Variants in PTPN13 observed in about 807,000 individuals in gnomAD.
The protein encoded by PTPN13 is protein tyrosine phosphatase non-receptor type 13, also known as tyrosine-protein phosphatase non-receptor type 13.
A neutral mutation model predicts 284.0 loss-of-function variants in PTPN13; 191 were observed. The ratio of observed to expected loss-of-function variants is 0.67; its 90% CI spans 0.60 to 0.76. PTPN13 has a LOEUF of 0.76. Ranked by LOEUF, PTPN13 falls within the 30% of genes least tolerant of loss-of-function variation. The pLI, the probability that PTPN13 is intolerant of heterozygous loss-of-function variation, is 0.00. For synonymous variants in PTPN13, 986 were observed against 1,022.3 expected (o/e 0.96, Z 0.68); for missense variants, 2,797 against 2,939.9 (o/e 0.95, Z 1.12).
Position 86,767,886 on chromosome 4 carries a change from T to A in PTPN13, c.4399T>A (p.Cys1467Ser), listed in dbSNP as rs752793503. ...SKEHVPVTPQ[C>S]TLSDQNAQGQ... ...AGAACATGTCCCGGTAACCCCACAG[T>A]GTACCCTTTCAGATCAGAATGCCCA... Residue 1467 changes from cysteine to serine, a missense_variant, in exon 28 of 48, where the codon TGT (cysteine) becomes AGT (serine). By Grantham distance (112) the Cys-to-Ser change is moderately radical. Transcript: ENST00000411767. The A allele has an allele frequency of 6.2e-7, 1 of 1,608,280 alleles. No homozygotes were observed. The highest frequency in any genetic ancestry group is 1.3e-5 in the African/African-American group (1 of 74,838).
Position 86,625,306 on chromosome 4 carries a change from A to G in PTPN13, c.-5-9946A>G, listed in dbSNP as rs188385208. Among the ~76,000 whole-genome samples, 408 of 152,092 alleles carry G rather than the reference A, an allele frequency of 2.7e-3. 2 individuals are homozygous for G. Among genetic ancestry groups the G allele is most frequent in the African/African-American group, 9.3e-3 (388 of 41,508 alleles). Reference sequence around the variant, plus strand: ...CTGTTTCTTGTCTCTCTCTTAATACAGGTTATTTCCCCTACCTGGAAGGCC... The same window carrying G: ...CTGTTTCTTGTCTCTCTCTTAATACGGGTTATTTCCCCTACCTGGAAGGCC... On this transcript the variant is annotated intron_variant, in intron 1 of 47. Transcript: ENST00000411767.
intron 40 of PTPN13, among the ~76,000 whole-genome samples, chr4:86,795,079 A>G (rs567256138): frequency 6.6e-6 from 1 of 152,364 alleles, no homozygotes; most frequent in Non-Finnish European, 1.5e-5. Context: ...TGCTCAGCAA[A>G]AGAAACTCAT....
intron 2 of PTPN13, among the ~76,000 whole-genome samples, chr4:86,655,286 G>C (rs527994353): frequency 1.6e-4 from 24 of 152,296 alleles, no homozygotes; most frequent in African/African-American, 5.8e-4. Context: ...CTGTCATTAT[G>C]ATGTTAGCTA....
chr4:86,804,327 G>A (rs1744418045), intron 43 of PTPN13, among the ~76,000 whole-genome samples: 1 of 152,176 alleles, frequency 6.6e-6, no homozygotes, highest in Non-Finnish European at 1.5e-5. Flanking sequence ...AGAAAAGAGA[G>A]TGGTTTTGAA....
chr4:86,660,776 C>G (rs1726393644), intron 2 of PTPN13, among the ~76,000 whole-genome samples: 1 of 152,026 alleles, frequency 6.6e-6, no homozygotes, highest in Admixed American at 6.6e-5. Flanking sequence ...ACACTTGTAG[C>G]AAACTACCCC....
At chr4:86,801,444 G>T (rs1171229955) in intron 42 of PTPN13, among the ~76,000 whole-genome samples, 1 of 152,176 alleles carries the variant, frequency 6.6e-6, no homozygotes, top group Non-Finnish European at 1.5e-5. Flanking sequence ...TTTGGGGGGT[G>T]AGGGGGCAGG....
intron 1 of PTPN13, among the ~76,000 whole-genome samples, chr4:86,614,029 T>G (rs570306725): frequency 1.3e-5 from 2 of 152,332 alleles, no homozygotes; most frequent in Admixed American, 6.5e-5. Context: ...TTGTCAATCC[T>G]ATTGTTTTTA....
intron 3 of PTPN13, among the ~76,000 whole-genome samples, chr4:86,682,764 C>T (rs1038655742): frequency 9.9e-5 from 15 of 152,176 alleles, no homozygotes; most frequent in Non-Finnish European, 1.8e-4. Context: ...TGTGTCTTTT[C>T]AGGCTGCACC....
intron 10 of PTPN13, among the ~76,000 whole-genome samples, chr4:86,728,643 C>CTTTTTTTT: frequency 4.1e-5 from 1 of 24,500 alleles, no homozygotes; most frequent in African/African-American, 1.5e-4. Context: ...CAACCCCTGC[C>CTTTTTTTT]TTTTTTTTTT....
At chr4:86,801,973 C>T (rs932199186) in intron 42 of PTPN13, among the ~76,000 whole-genome samples, 10 of 152,082 alleles carry the variant, frequency 6.6e-5, no homozygotes, top group Non-Finnish European at 1.5e-4. Flanking sequence ...ATGATGGTTC[C>T]ATTGGCTCTG....
chr4:86,721,687 C>G (rs1236371660), intron 9 of PTPN13, among the ~76,000 whole-genome samples: 1 of 137,168 alleles, frequency 7.3e-6, no homozygotes, highest in Admixed American at 7.5e-5. Context: ...CTTCCCCTCT[C>G]CCTCTCCCCC....
At chr4:86,685,240 C>T (rs1729321204) in intron 3 of PTPN13, among the ~76,000 whole-genome samples, 1 of 152,130 alleles carries the variant, frequency 6.6e-6, no homozygotes, top group Non-Finnish European at 1.5e-5. Context: ...CAGCTTCCTT[C>T]TCCTTGTACT....
intron 35 of PTPN13, among the ~76,000 whole-genome samples, chr4:86,775,954 C>G (rs57954319): frequency 0.21 from 31,891 of 151,918 alleles, 3,402 homozygotes; most frequent in East Asian, 0.29. Context: ...GTTTTGTTTT[C>G]TTTTCTTTTT....
rs954301516 is a variant in PTPN13 at position 86,740,043 on chromosome 4, C to T, written c.2305-1591C>T. 3.3e-5 allele frequency among the ~76,000 whole-genome samples: 5 copies of T among 152,154 alleles called. No individual in the cohort carries two copies. The East Asian group carries it at 5.8e-4, about 18-fold the overall frequency. The stretch of plus-strand genomic sequence containing the variant: ...CCCCTGTGTCTTTGTAGGGTATAGA[C>T]CCCTCCTGGCTGGTTTCATGGGCTG... On this transcript the variant is annotated intron_variant, in intron 15 of 47. Transcript: ENST00000411767.
chr4:86,629,897 C>T (rs1406104435), intron 1 of PTPN13, among the ~76,000 whole-genome samples: 2 of 151,972 alleles, frequency 1.3e-5, no homozygotes, highest in East Asian at 3.9e-4. Flanking sequence ...GCTGGGACTA[C>T]AGGCACGCAC....
At chr4:86,708,429 A>T (rs1354088596) in intron 7 of PTPN13, among the ~76,000 whole-genome samples, 6 of 152,146 alleles carry the variant, frequency 3.9e-5, no homozygotes, top group Non-Finnish European at 2.9e-5. Context: ...AATACTAGGG[A>T]AAATTAAAGG....
intron 15 of PTPN13, among the ~76,000 whole-genome samples, chr4:86,738,484 G>A (rs1205844049): frequency 2.0e-5 from 3 of 152,072 alleles, no homozygotes; most frequent in African/African-American, 2.4e-5. Flanking sequence ...ATCTTTTCAT[G>A]TGTTTATTTG....
At chr4:86,752,399 A>C (rs72872254) in intron 19 of PTPN13, among the ~76,000 whole-genome samples, 1,978 of 152,290 alleles carry the variant, frequency 0.013, 50 homozygotes, top group African/African-American at 0.045. Flanking sequence ...TTCAGAGACT[A>C]TACTATCAAT....
chr4:86,766,580 C>T (rs919033087), intron 27 of PTPN13, 63 bp downstream of exon 27: 3 of 1,148,548 alleles, frequency 2.6e-6, no homozygotes, highest in Non-Finnish European at 3.7e-6. Context: ...GTGTGAATAA[C>T]ATCAGTTCTC....
Sources: gnomAD v4.1 joint callset for allele counts (sites outside exome capture counted in the v4.1 genomes callset) on GRCh38, gnomAD v4.1.1 for gene constraint, MANE v1.5 for transcripts, NCBI Gene and HGNC (gene_info 2026-07-23, HGNC 2026-07-21) for gene names.